Variants in OR1D2 observed in about 807,000 individuals in gnomAD.
The protein encoded by OR1D2 is olfactory receptor family 1 subfamily D member 2.
For synonymous variants in OR1D2, 157 were observed against 153.9 expected, an observed-to-expected ratio of 1.02 and a Z score of -0.15; for missense variants, 357 against 376.1, an observed-to-expected ratio of 0.95 and a Z score of 0.42.
In OR1D2 at chr17:3,092,568, T is replaced by G. The variant is rs760465284; in HGVS notation, c.429A>C (p.Leu143Phe). 5 of 1,612,946 alleles carry G rather than the reference T, an allele frequency of 3.1e-6. No homozygotes were observed. In the Admixed American group the frequency reaches 6.7e-5, roughly 22 times the overall value. The change falls in exon 2 of 2, where the codon TTA (leucine) becomes TTC (phenylalanine). Residue 143 changes from leucine to phenylalanine, a missense_variant. By Grantham distance (22) the Leu-to-Phe change is conservative. Coordinates refer to ENST00000641833, the MANE Select transcript of OR1D2 (RefSeq NM_002548.3). ...ATAGGACCCAACACAAGGAAAGGAG[T>G]AAGATACAGAGCTTAGGGCTCATGG... is the stretch of plus-strand genomic sequence containing the variant. ...TTAMSPKLCI[L>F]LLSLCWVLSV...
intron 1 of OR1D2, among the ~76,000 whole-genome samples, chr17:3,096,541 T>A (rs370897305): frequency 6.6e-6 from 1 of 152,222 alleles, no homozygotes; most frequent in Non-Finnish European, 1.5e-5. Flanking sequence ...GGTAGGAGAA[T>A]GGCTTGAGGC....
Position 3,090,974 on chromosome 17 carries a change from T to C in OR1D2, c.*1084A>G, listed in dbSNP as rs1424224491. The C allele has an allele frequency of 6.6e-6, 1 of 152,200 alleles. No homozygotes were observed. The highest frequency in any genetic ancestry group is 1.9e-4 in the East Asian group (1 of 5,200). The allele number at this position is 152,200 out of a possible 1,614,324, so 9.4% of individuals were successfully genotyped here. On this transcript the variant is annotated 3_prime_UTR_variant, in exon 2 of 2. Coordinates refer to ENST00000641833, the MANE Select transcript of OR1D2 (RefSeq NM_002548.3). ...TATGTTTTATTTTCTTTTTTACTTA[T>C]GGAAGAACTCATGAGATGAGGGGAT... is the stretch of plus-strand genomic sequence containing the variant.
At chr17:3,099,225 A>G (rs1478119250) in intron 1 of OR1D2, among the ~76,000 whole-genome samples, 1 of 152,096 alleles carries the variant, frequency 6.6e-6, no homozygotes, top group Non-Finnish European at 1.5e-5. Flanking sequence ...ACACATAATC[A>G]TCAGGTTCTC....
chr17:3,092,081 T>C lies in OR1D2; in HGVS notation c.916A>G (p.Lys306Glu). The change falls in exon 2 of 2, where the codon AAA (lysine) becomes GAA (glutamate). Residue 306 changes from lysine to glutamate, a missense_variant. Transcript: ENST00000641833. ...MHGALGRLLD[K>E]HFKRLT ...CCTCATGTCAGCCTCTTAAAGTGTT[T>C]ATCTAGGAGTCTTCCCAGAGCCCCA... 1 of 1,610,666 alleles carries C rather than the reference T, an allele frequency of 6.2e-7. No homozygotes were observed.
intron 1 of OR1D2, among the ~76,000 whole-genome samples, chr17:3,101,748 T>A (rs1405273095): frequency 6.6e-6 from 1 of 152,192 alleles, no homozygotes; most frequent in East Asian, 1.9e-4. Flanking sequence ...GCTGATGACA[T>A]GATTCTATAT....
intron 1 of OR1D2, among the ~76,000 whole-genome samples, chr17:3,102,575 T>C (rs2047879831): frequency 6.6e-6 from 1 of 152,166 alleles, no homozygotes; most frequent in Non-Finnish European, 1.5e-5. Flanking sequence ...GACTGAGATT[T>C]AGGTTAATGA....
chr17:3,092,563 A>G lies in OR1D2; in HGVS notation c.434T>C (p.Leu145Pro). 1 of 1,614,174 alleles carries G rather than the reference A, an allele frequency of 6.2e-7. No homozygotes were observed. The highest frequency in any genetic ancestry group is 8.5e-7 in the Non-Finnish European group (1 of 1,180,032). ...GACGGATAGGACCCAACACAAGGAA[A>G]GGAGTAAGATACAGAGCTTAGGGCT... is the stretch of plus-strand genomic sequence containing the variant. ...AMSPKLCILL[L>P]SLCWVLSVLY... is the part of the protein sequence containing the mutation. Residue 145 changes from leucine (L) to proline (P), a missense_variant, in exon 2 of 2, where the codon CTT (leucine) becomes CCT (proline). By Grantham distance (98) the Leu-to-Pro change is moderately conservative. Transcript: ENST00000641833.
At chr17:3,100,275 G>T (rs2047868655) in intron 1 of OR1D2, among the ~76,000 whole-genome samples, 1 of 152,024 alleles carries the variant, frequency 6.6e-6, no homozygotes. Flanking sequence ...CCACATAATT[G>T]GAAGTAAAAC....
At chr17:3,098,463 C>A (rs913324852) in intron 1 of OR1D2, among the ~76,000 whole-genome samples, 3 of 152,096 alleles carry the variant, frequency 2.0e-5, no homozygotes, top group African/African-American at 7.2e-5. Context: ...CAGAAAGCAA[C>A]AACAGCAGCA....
At chr17:3,103,333 C>T (rs774091872) in intron 1 of OR1D2, among the ~76,000 whole-genome samples, 8 of 152,122 alleles carry the variant, frequency 5.3e-5, no homozygotes, top group Non-Finnish European at 1.0e-4. Context: ...CTCCACCTCC[C>T]GGGTTCAAGC....
chr17:3,102,464 C>T (rs2151709030), intron 1 of OR1D2, among the ~76,000 whole-genome samples: 1 of 152,322 alleles, frequency 6.6e-6, no homozygotes, highest in South Asian at 2.1e-4. Flanking sequence ...CACATACATA[C>T]ATACCTACGG....
chr17:3,099,667 A>G (rs534928451), intron 1 of OR1D2, among the ~76,000 whole-genome samples: 1 of 152,206 alleles, frequency 6.6e-6, no homozygotes, highest in Non-Finnish European at 1.5e-5. Flanking sequence ...ACATTCACAC[A>G]TAACAATATT....
rs991963925 is a variant in OR1D2 at position 3,092,949 on chromosome 17, C to T, written c.48G>A (p.Gly16=). The T allele has an allele frequency of 1.9e-6, 3 of 1,613,996 alleles. No individual in the cohort carries two copies. The highest frequency in any genetic ancestry group is 2.5e-6 in the Non-Finnish European group (3 of 1,179,978). ...QSEGSEFLLL[G]MSESPEQQRI... ...GCTGCTGCTCAGGACTCTCTGACAT[C>T]CCCAGGAGAAGGAACTCTGAACCTT... The change falls in exon 2 of 2, where the codon GGG becomes GGA. Residue 16 remains glycine, a synonymous_variant. Coordinates refer to ENST00000641833, the MANE Select transcript of OR1D2 (RefSeq NM_002548.3).
rs1212437922 is a variant in OR1D2, at chr17:3,091,148, A to G, written c.*910T>C. ...CTTTCACTTGGATTCTGGAGCTCTC[A>G]CAAAGGTATTTTCATCTGTGGATGG... On this transcript the variant is annotated 3_prime_UTR_variant, in exon 2 of 2. Coordinates refer to ENST00000641833, the MANE Select transcript of OR1D2 (RefSeq NM_002548.3). 2.0e-5 allele frequency: 3 copies of G among 152,186 alleles called. No individual in the cohort carries two copies. Among genetic ancestry groups the G allele is most frequent in the Non-Finnish European group, 4.4e-5 (3 of 68,044 alleles). 9.4% of individuals were successfully genotyped at this position (152,186 alleles called of 1,614,324 possible). A position where few individuals can be genotyped will look rare whatever the true frequency, so the allele number is the denominator to read the frequency against.
chr17:3,099,211 C>T (rs1194717406), intron 1 of OR1D2, among the ~76,000 whole-genome samples: 2 of 152,070 alleles, frequency 1.3e-5, no homozygotes, highest in African/African-American at 2.4e-5. Context: ...AGATCAACCC[C>T]AAGACACATA....
rs918309789 is a variant in OR1D2, at chr17:3,091,903, T to C, written c.*155A>G. ...CTGATGAGACCTGGGGGACACCAGGTTACAAATATGTCTTTTTTATCACCA... is the reference window on the plus strand; with the variant it reads ...CTGATGAGACCTGGGGGACACCAGGCTACAAATATGTCTTTTTTATCACCA... On this transcript the variant is annotated 3_prime_UTR_variant, in exon 2 of 2. Coordinates refer to ENST00000641833, the MANE Select transcript of OR1D2 (RefSeq NM_002548.3). 3 of 620,176 alleles carry C rather than the reference T, an allele frequency of 4.8e-6. No individual in the cohort carries two copies. The highest frequency in any genetic ancestry group is 8.5e-6 in the Non-Finnish European group (3 of 352,076). The allele number at this position is 620,176 out of a possible 1,614,324, so 38.4% of individuals were successfully genotyped here.
intron 1 of OR1D2, among the ~76,000 whole-genome samples, chr17:3,098,684 G>A (rs1183076068): frequency 6.6e-6 from 1 of 152,150 alleles, no homozygotes; most frequent in Non-Finnish European, 1.5e-5. Flanking sequence ...TGAGATGGCT[G>A]AATTGACAGA....
chr17:3,097,327 G>A (rs1176820353), intron 1 of OR1D2, among the ~76,000 whole-genome samples: 1 of 152,148 alleles, frequency 6.6e-6, no homozygotes, highest in South Asian at 2.1e-4. Flanking sequence ...ATTCAACATA[G>A]TACTAGAAGT....
intron 1 of OR1D2, among the ~76,000 whole-genome samples, chr17:3,097,973 T>C (rs1277073493): frequency 6.6e-6 from 1 of 152,114 alleles, no homozygotes; most frequent in Middle Eastern, 3.2e-3. Context: ...GGGGCCTCAA[T>C]GCAGGAAGTA....
Sources: allele counts gnomAD v4.1 joint callset (sites outside exome capture counted in the v4.1 genomes callset), GRCh38; gene constraint gnomAD v4.1.1; transcripts MANE v1.5; gene names NCBI Gene and HGNC (gene_info 2026-07-23, HGNC 2026-07-21).